Variants in MACROD2 observed in about 807,000 individuals in gnomAD.
The protein encoded by MACROD2 is ADP-ribose glycohydrolase MACROD2.
MACROD2 carries 36 observed loss-of-function variants against 70.4 expected under a neutral mutation model. That is an observed-to-expected ratio of 0.51 (90% CI 0.39 to 0.68). MACROD2 has a LOEUF of 0.68. Ranked by LOEUF, MACROD2 falls within the 30% of genes least tolerant of loss-of-function variation. The pLI is 0.00. For synonymous variants in MACROD2, 172 were observed against 178.8 expected (o/e 0.96, Z 0.30); for missense variants, 496 against 538.4 (o/e 0.92, Z 0.78).
intron 3 of MACROD2, among the ~76,000 whole-genome samples, chr20:14,138,565 T>G (rs1287036081): frequency 2.0e-5 from 3 of 152,108 alleles, no homozygotes; most frequent in Non-Finnish European, 4.4e-5. Context: ...CTCATAGAAA[T>G]TTTAGAGCAT....
intron 8 of MACROD2, among the ~76,000 whole-genome samples, chr20:15,805,015 G>C (rs2063756412): frequency 6.6e-6 from 1 of 152,154 alleles, no homozygotes; most frequent in African/African-American, 2.4e-5. Context: ...GTGGTTACGT[G>C]CTGAACAATG....
chr20:14,991,929 C>CTCCA (rs892688308), intron 5 of MACROD2, among the ~76,000 whole-genome samples: 38 of 152,128 alleles, frequency 2.5e-4, no homozygotes, highest in East Asian at 1.5e-3. Context: ...CCATCCAACT[C>CTCCA]TCCATCCATC....
intron 3 of MACROD2, among the ~76,000 whole-genome samples, chr20:14,157,499 C>T (rs2055119452): frequency 6.6e-6 from 1 of 152,056 alleles, no homozygotes; most frequent in Non-Finnish European, 1.5e-5. Context: ...CTTGTACCCT[C>T]TAACTAACTG....
intron 5 of MACROD2, among the ~76,000 whole-genome samples, chr20:14,729,217 G>A (rs1361139553): frequency 6.6e-6 from 1 of 152,174 alleles, no homozygotes; most frequent in East Asian, 1.9e-4. Flanking sequence ...TATCATAGAT[G>A]ATTATAAGTT....
chr20:14,921,804 A>C (rs2074167219), intron 5 of MACROD2, among the ~76,000 whole-genome samples: 1 of 152,242 alleles, frequency 6.6e-6, no homozygotes, highest in African/African-American at 2.4e-5. Context: ...AAATAGTCCA[A>C]TGAAGAAATT....
chr20:14,058,100 G>A (rs759132583), intron 2 of MACROD2, among the ~76,000 whole-genome samples: 28 of 152,244 alleles, frequency 1.8e-4, no homozygotes, highest in Middle Eastern at 3.4e-3. Flanking sequence ...CTAGGTATTA[G>A]TAGTGTTCCT....
intron 8 of MACROD2, among the ~76,000 whole-genome samples, chr20:15,544,637 A>C (rs2048003189): frequency 6.6e-6 from 1 of 152,230 alleles, no homozygotes; most frequent in African/African-American, 2.4e-5. Context: ...CTAGGTGTCC[A>C]AGCATGCTCT....
chr20:15,379,408 A>G (rs1280909357), intron 6 of MACROD2, among the ~76,000 whole-genome samples: 1 of 151,780 alleles, frequency 6.6e-6, no homozygotes, highest in Non-Finnish European at 1.5e-5. Context: ...TCAACTTGTC[A>G]TTTCCACTTG....
At chr20:14,206,352 A>G (rs550550772) in intron 3 of MACROD2, among the ~76,000 whole-genome samples, 14 of 152,198 alleles carry the variant, frequency 9.2e-5, no homozygotes, top group Non-Finnish European at 1.9e-4. Flanking sequence ...TCAGCATTTT[A>G]TCTTTTAACC....
rs180848964 is a variant in MACROD2, at chr20:14,762,791, G to A, written c.418+77832G>A. Among the ~76,000 whole-genome samples, 29 of 152,134 alleles carry A rather than the reference G, an allele frequency of 1.9e-4. No individual in the cohort carries two copies. In the East Asian group the frequency reaches 5.4e-3, roughly 28 times the overall value. On this transcript the variant is annotated intron_variant, in intron 5 of 17. Coordinates refer to ENST00000684519, the MANE Select transcript of MACROD2 (RefSeq NM_001351661.2). ...CTGAAAATGCAAAAATTAGCCAGATGTGGCTGTGGGCATCTGTAGTCCCAG... is the reference window on the plus strand; with the variant it reads ...CTGAAAATGCAAAAATTAGCCAGATATGGCTGTGGGCATCTGTAGTCCCAG...
chr20:14,403,869 A>G (rs989164295), intron 3 of MACROD2, among the ~76,000 whole-genome samples: 1 of 152,084 alleles, frequency 6.6e-6, no homozygotes, highest in South Asian at 2.1e-4. Flanking sequence ...AATTCATAAA[A>G]CATGCAAGAG....
At chr20:14,788,088 A>G (rs1047270395) in intron 5 of MACROD2, among the ~76,000 whole-genome samples, 1 of 152,108 alleles carries the variant, frequency 6.6e-6, no homozygotes, top group African/African-American at 2.4e-5. Flanking sequence ...TGTGAAAAAT[A>G]AAGCAAATTT....
intron 8 of MACROD2, among the ~76,000 whole-genome samples, chr20:15,754,022 C>T (rs961906697): frequency 1.3e-5 from 2 of 151,988 alleles, no homozygotes; most frequent in Admixed American, 1.3e-4. Flanking sequence ...ATAGATCAAG[C>T]TTATAAAAAA....
intron 5 of MACROD2, among the ~76,000 whole-genome samples, chr20:14,708,469 A>T (rs2071296882): frequency 6.6e-6 from 1 of 152,222 alleles, no homozygotes. Flanking sequence ...GATTCTTGAC[A>T]ACTCTCTACT....
intron 4 of MACROD2, among the ~76,000 whole-genome samples, chr20:14,655,838 TAA>T (rs1985946382): frequency 6.6e-6 from 1 of 152,236 alleles, no homozygotes; most frequent in Non-Finnish European, 1.5e-5. Flanking sequence ...AGGTATGAGT[TAA>T]TTGGCTTTCT....
chr20:14,322,899 G>T (rs2082677907), intron 3 of MACROD2: 1 of 152,150 alleles, frequency 6.6e-6, no homozygotes, highest in Non-Finnish European at 1.5e-5. Flanking sequence ...TAGCTAGGAA[G>T]GGTAAGTAGT....
At chr20:15,785,481 G>C (rs2051909997) in intron 8 of MACROD2, among the ~76,000 whole-genome samples, 2 of 152,134 alleles carry the variant, frequency 1.3e-5, no homozygotes, top group African/African-American at 4.8e-5. Context: ...TAAAACCTCA[G>C]GTCATTTAAG....
intron 10 of MACROD2, among the ~76,000 whole-genome samples, chr20:15,912,364 A>G (rs1402622528): frequency 1.3e-5 from 2 of 152,192 alleles, no homozygotes; most frequent in Non-Finnish European, 2.9e-5. Flanking sequence ...CAATCACTTT[A>G]CCAGCAATAG....
intron 3 of MACROD2, among the ~76,000 whole-genome samples, chr20:14,483,536 A>G (rs1380383024): frequency 2.6e-5 from 4 of 151,924 alleles, no homozygotes; most frequent in African/African-American, 9.7e-5. Flanking sequence ...CCTCCCTAGT[A>G]GCTGGGATTA....
Sources: allele counts gnomAD v4.1 joint callset (sites outside exome capture counted in the v4.1 genomes callset), GRCh38; gene constraint gnomAD v4.1.1; transcripts MANE v1.5; gene names NCBI Gene and HGNC (gene_info 2026-07-23, HGNC 2026-07-21).